Variants in FLNB observed in about 807,000 individuals in gnomAD.
The protein encoded by FLNB is filamin B, also known as filamin-B.
FLNB carries 111 observed loss-of-function variants against 250.6 expected under a neutral mutation model. The observed-to-expected ratio is 0.44, with a 90% CI of 0.38 to 0.52. FLNB has a LOEUF of 0.52. Ranked by LOEUF, FLNB falls within the 20% of genes least tolerant of loss-of-function variation. The pLI is 0.00. For synonymous variants in FLNB, 1,302 were observed against 1,372.1 expected, an observed-to-expected ratio of 0.95 and a Z score of 1.13; for missense variants, 2,869 against 3,447.8, an observed-to-expected ratio of 0.83 and a Z score of 4.20.
chr3:58,136,930 A>G (rs2097317132), intron 28 of FLNB, among the ~76,000 whole-genome samples: 1 of 151,812 alleles, frequency 6.6e-6, no homozygotes, highest in Non-Finnish European at 1.5e-5. Context: ...ATAATTGGCC[A>G]GGCTGGTCTC....
chr3:58,061,565 A>G (rs1326877361), intron 1 of FLNB, among the ~76,000 whole-genome samples: 2 of 151,868 alleles, frequency 1.3e-5, no homozygotes, highest in Non-Finnish European at 2.9e-5. Context: ...TGTCTCTACA[A>G]AAATTACGAA....
intron 36 of FLNB, 42 bp downstream of exon 36, chr3:58,148,894 C>T: frequency 1.9e-6 from 3 of 1,567,774 alleles, no homozygotes; most frequent in Non-Finnish European, 2.6e-6. Context: ...CTTGTGGGAA[C>T]CGACTTATTT....
chr3:58,030,191 CATT>C (rs1368366894), intron 1 of FLNB, among the ~76,000 whole-genome samples: 8 of 152,104 alleles, frequency 5.3e-5, no homozygotes, highest in Non-Finnish European at 1.0e-4. Context: ...AGCCCTGAGA[CATT>C]GTGTATGGGG....
Position 58,169,818 on chromosome 3 carries a change from G to T in FLNB, c.7621+25G>T. 3 of 1,504,140 alleles carry T rather than the reference G, an allele frequency of 2.0e-6. No homozygotes were observed. The highest frequency in any genetic ancestry group is 1.8e-6 in the Non-Finnish European group (2 of 1,086,470). The allele number at this position is 1,504,140 out of a possible 1,614,324, so 93.2% of individuals were successfully genotyped here. ...GGTAGGTGTCTGGGCCTTTTCAAGG[G>T]TGGGGTGGGGCAGGGGCAGGCTGGG... is the stretch of plus-strand genomic sequence containing the variant. On this transcript the variant is annotated intron_variant, in intron 45 of 45. Transcript: ENST00000295956. The surrounding 1 kb of genome is among the most constrained non-coding windows in gnomAD (Gnocchi z 4.8).
intron 1 of FLNB, among the ~76,000 whole-genome samples, chr3:58,040,926 A>G (rs1559652085): frequency 6.6e-6 from 1 of 152,180 alleles, no homozygotes; most frequent in Non-Finnish European, 1.5e-5. Flanking sequence ...GAATGGATAC[A>G]TGTTTCTTAA....
chr3:58,071,673 CA>C (rs1195695259), intron 1 of FLNB, among the ~76,000 whole-genome samples: 1 of 152,094 alleles, frequency 6.6e-6, no homozygotes, highest in Admixed American at 6.6e-5. Context: ...CTCAGGAGGG[CA>C]AAAATGTGGA....
intron 28 of FLNB, among the ~76,000 whole-genome samples, chr3:58,136,743 A>ATTTT (rs1411180386): frequency 5.3e-5 from 4 of 75,194 alleles, no homozygotes; most frequent in African/African-American, 2.4e-4. Context: ...GTCACAGGCC[A>ATTTT]TTCTTTTTTT....
At chr3:58,052,504 G>C (rs2097164050) in intron 1 of FLNB, among the ~76,000 whole-genome samples, 1 of 152,214 alleles carries the variant, frequency 6.6e-6, no homozygotes, top group African/African-American at 2.4e-5. Context: ...AGACAGCTGA[G>C]TAAGAGGGGA....
intron 28 of FLNB, among the ~76,000 whole-genome samples, chr3:58,137,717 C>T (rs2097318912): frequency 6.6e-6 from 1 of 152,210 alleles, no homozygotes; most frequent in African/African-American, 2.4e-5. Flanking sequence ...CAGCACCCAT[C>T]CTTCAGGGTT....
At chr3:58,133,001 GTCCATCCACCCATCCGTTCCTCCATCAT>G (rs1384111136) in intron 26 of FLNB, 70 bp downstream of exon 26, 1 of 1,527,966 alleles carries the variant, frequency 6.5e-7, no homozygotes, top group African/African-American at 1.4e-5. Context: ...TCCTCCATCA[GTCCATCCACCCATCCGTTCCTCCATCAT>G]TCCATCCATC....
chr3:58,107,582 C>T (rs942842849), intron 12 of FLNB, among the ~76,000 whole-genome samples: 1 of 152,202 alleles, frequency 6.6e-6, no homozygotes, highest in Non-Finnish European at 1.5e-5. Flanking sequence ...GTCAGTCTTA[C>T]AGCCATTTTC....
chr3:58,081,248 C>CT (rs1207619239), intron 3 of FLNB, among the ~76,000 whole-genome samples: 1 of 152,122 alleles, frequency 6.6e-6, no homozygotes, highest in East Asian at 1.9e-4. Context: ...AACCTGTGCA[C>CT]TTTTTTGTAA....
At chr3:58,131,967 A>C (rs2097308225) in intron 25 of FLNB, 2 of 1,537,246 alleles carry the variant, frequency 1.3e-6, no homozygotes, top group Admixed American at 3.9e-5. Context: ...GCCCCTTGAA[A>C]GCCCTTTCAG....
chr3:58,127,626 C>A (rs1027240199), intron 24 of FLNB, among the ~76,000 whole-genome samples: 8 of 152,208 alleles, frequency 5.3e-5, no homozygotes, highest in African/African-American at 1.9e-4. Flanking sequence ...CCATAGCAGA[C>A]TTCTCCTTCC....
intron 1 of FLNB, among the ~76,000 whole-genome samples, chr3:58,016,136 T>G (rs2097105442): frequency 6.6e-6 from 1 of 151,864 alleles, no homozygotes; most frequent in Admixed American, 6.6e-5. Context: ...CTCGGCTCAC[T>G]GCAGCCTCCA....
At position 58,100,373 on chromosome 3, in the gene FLNB, A is replaced by AAATATATATATATATATATATAT; in HGVS notation, c.1345+1466_1345+1467insATATATATATATATATATATATA. ...AATGATTTTACATATGTAAAAAAAA[A>AAATATATATATATATATATATAT]ATATATATATATTTGCAGGGGCGCG... On this transcript the variant is annotated intron_variant, in intron 8 of 45. Coordinates refer to ENST00000295956, the MANE Select transcript of FLNB (RefSeq NM_001457.4). Among the ~76,000 whole-genome samples the AAATATATATATATATATATATAT allele has an allele frequency of 1.1e-3, 113 of 104,336 alleles. 3 individuals carry two copies. The highest frequency in any genetic ancestry group is 4.2e-3 in the African/African-American group (93 of 21,904). The allele number at this position is 104,336 out of a possible 152,430, so 68.4% of individuals were successfully genotyped here. A position where few individuals can be genotyped will look rare whatever the true frequency, so the allele number is the denominator to read the frequency against.
At chr3:58,038,373 G>A (rs1042874331) in intron 1 of FLNB, among the ~76,000 whole-genome samples, 14 of 151,842 alleles carry the variant, frequency 9.2e-5, no homozygotes, top group African/African-American at 3.4e-4. Context: ...AGCTGCTGAC[G>A]TCTTTTTGGC....
At chr3:58,022,284 C>A (rs1473700318) in intron 1 of FLNB, among the ~76,000 whole-genome samples, 1 of 152,176 alleles carries the variant, frequency 6.6e-6, no homozygotes, top group Non-Finnish European at 1.5e-5. Flanking sequence ...GACTTATTTG[C>A]AATTCAGAAA....
chr3:58,142,157 G>A lies in FLNB; in HGVS notation c.5181+228G>A, dbSNP rs908990395. Among the ~76,000 whole-genome samples the A allele has an allele frequency of 2.0e-5, 3 of 152,092 alleles. No homozygotes were observed. The highest frequency in any genetic ancestry group is 2.1e-4 in the South Asian group (1 of 4,814). On this transcript the variant is annotated intron_variant, in intron 30 of 45. Coordinates refer to ENST00000295956, the MANE Select transcript of FLNB (RefSeq NM_001457.4). This position sits in a 1 kb window ranked among gnomAD's most constrained non-coding sequence, Gnocchi z 4.3. ...CGCCAGCCGTCGTGTCTGTGATCACGCTCGGTGCAGTTTGTCTCTGTGTTT... is the reference window on the plus strand; with the variant it reads ...CGCCAGCCGTCGTGTCTGTGATCACACTCGGTGCAGTTTGTCTCTGTGTTT...
Sources: gnomAD v4.1 joint callset for allele counts (sites outside exome capture counted in the v4.1 genomes callset) on GRCh38, gnomAD v4.1.1 for gene constraint, Gnocchi (gnomAD v3.1) non-coding constraint, MANE v1.5 for transcripts, NCBI Gene and HGNC (gene_info 2026-07-23, HGNC 2026-07-21) for gene names.